The following NRG4 variants were observed in gnomAD, a reference collection of about 807,000 sequenced individuals.
NRG4 encodes neuregulin 4.
In NRG4, 10 loss-of-function variants were observed where a neutral mutation model predicts 15.0. That is an observed-to-expected ratio of 0.67 (90% CI 0.41 to 1.13). The LOEUF is 1.13. NRG4 is among the 50% of genes most tolerant of loss of function. The probability of loss-of-function intolerance (pLI) is 0.00; values close to 1 mark genes in which losing one functional copy is unlikely to be tolerated. For synonymous variants in NRG4, 41 were observed against 50.1 expected (o/e 0.82, Z 0.77); for missense variants, 139 against 140.2 (o/e 0.99, Z 0.04).
intron 4 of NRG4, among the ~76,000 whole-genome samples, chr15:76,051,681 G>A (rs992969755): frequency 4.7e-5 from 7 of 148,400 alleles, no homozygotes; most frequent in Admixed American, 6.7e-5. Flanking sequence ...CTCCTGCCTC[G>A]GCCTCCAGAG....
At chr15:76,044,062 A>G (rs2035807650) in intron 4 of NRG4, among the ~76,000 whole-genome samples, 1 of 152,202 alleles carries the variant, frequency 6.6e-6, no homozygotes, top group South Asian at 2.1e-4. Context: ...CAGTGGCGCA[A>G]TCTCGGCTCA....
intron 5 of NRG4, among the ~76,000 whole-genome samples, chr15:76,026,917 T>C (rs958922292): frequency 1.3e-5 from 2 of 152,012 alleles, no homozygotes; most frequent in Non-Finnish European, 1.5e-5. Context: ...GGTCAGGAGA[T>C]TGAGACCATC....
upstream of NRG4, among the ~76,000 whole-genome samples, chr15:76,015,190 T>C (rs1476120807): frequency 6.6e-6 from 1 of 152,222 alleles, no homozygotes; most frequent in Non-Finnish European, 1.5e-5. Context: ...GCATACTGAT[T>C]TTGTATCCTG....
chr15:76,024,064 C>T lies in NRG4; in HGVS notation c.-57+11880G>A, dbSNP rs566827027. Among the ~76,000 whole-genome samples, 281 of 152,332 alleles carry T rather than the reference C, an allele frequency of 1.8e-3. 1 individual carries two copies. Among genetic ancestry groups the T allele is most frequent in the Non-Finnish European group, 5.4e-4 (37 of 68,026 alleles). ...AGACACCTCTGGCTTGCCCAAAGGC[C>T]CCATGCCTGCAATCAGAGCCTGAGA... On this transcript the variant is annotated intron_variant, in intron 5 of 8. Transcript: ENST00000563910.
At chr15:76,027,632 C>G (rs909208859) in intron 5 of NRG4, among the ~76,000 whole-genome samples, 2 of 152,104 alleles carry the variant, frequency 1.3e-5, no homozygotes, top group African/African-American at 2.4e-5. Flanking sequence ...CAGCATTAAA[C>G]AGGTCATCTA....
chr15:76,021,222 T>C (rs1238847288), intron 5 of NRG4, among the ~76,000 whole-genome samples: 7 of 152,188 alleles, frequency 4.6e-5, no homozygotes. Flanking sequence ...AGCACATCTG[T>C]TTACAGCATG....
At chr15:76,050,457 T>A (rs2035972003) in intron 4 of NRG4, among the ~76,000 whole-genome samples, 1 of 144,062 alleles carries the variant, frequency 6.9e-6, no homozygotes, top group South Asian at 2.2e-4. Flanking sequence ...TTTTTTTTTT[T>A]TTGAAACGGA....
At chr15:75,991,310 G>A (rs1276304484) in intron 3 of NRG4, among the ~76,000 whole-genome samples, 1 of 152,008 alleles carries the variant, frequency 6.6e-6, no homozygotes, top group Non-Finnish European at 1.5e-5. Context: ...TATAAACACT[G>A]AAATTTGAAT....
At chr15:75,991,955 C>T (rs2034033291) in intron 3 of NRG4, among the ~76,000 whole-genome samples, 1 of 152,046 alleles carries the variant, frequency 6.6e-6, no homozygotes, top group Admixed American at 6.6e-5. Context: ...CCTTCCTTTT[C>T]TTGGTTAACT....
At chr15:75,949,318 C>A (rs956710872) in intron 5 of NRG4, among the ~76,000 whole-genome samples, 1 of 149,186 alleles carries the variant, frequency 6.7e-6, no homozygotes, top group South Asian at 2.1e-4. Flanking sequence ...GGCTGAGACA[C>A]AAGAATCCAT....
At chr15:75,955,848 T>C (rs540706946) in intron 5 of NRG4, 84 bp downstream of exon 5, 1 of 775,860 alleles carries the variant, frequency 1.3e-6, no homozygotes, top group East Asian at 2.7e-5. Flanking sequence ...TTTTTCTGGA[T>C]AGATCTAAAT....
chr15:76,008,029 G>T (rs1226770736), intron 3 of NRG4, among the ~76,000 whole-genome samples: 1 of 152,124 alleles, frequency 6.6e-6, no homozygotes, highest in Non-Finnish European at 1.5e-5. Flanking sequence ...ATTATCTATG[G>T]AAATGTTCTA....
chr15:75,960,520 G>A (rs769977871), intron 4 of NRG4, among the ~76,000 whole-genome samples: 41 of 152,314 alleles, frequency 2.7e-4, no homozygotes, highest in Non-Finnish European at 5.3e-4. Flanking sequence ...TGAATGAGCT[G>A]AATGCCTGGG....
intron 2 of NRG4, among the ~76,000 whole-genome samples, chr15:76,053,795 A>G (rs1161473135): frequency 1.3e-5 from 2 of 150,876 alleles, no homozygotes; most frequent in African/African-American, 4.9e-5. Context: ...ACCTCAAGTG[A>G]TCTGGGATTA....
chr15:75,971,989 T>C (rs140905274), intron 3 of NRG4, among the ~76,000 whole-genome samples: 2,575 of 152,296 alleles, frequency 0.017, 66 homozygotes, highest in African/African-American at 0.057. Flanking sequence ...CCACAAATAG[T>C]GTAAAAGCAT....
chr15:76,015,924 C>G (rs558276735), upstream of NRG4, among the ~76,000 whole-genome samples: 1 of 152,240 alleles, frequency 6.6e-6, no homozygotes, highest in South Asian at 2.1e-4. Flanking sequence ...AGGAATGGTA[C>G]CAGGTCCTCT....
chr15:76,010,167 G>T lies in NRG4; in HGVS notation c.11-874C>A, dbSNP rs1488972161. On this transcript the variant is annotated intron_variant, in intron 2 of 5. Coordinates refer to ENST00000394907, the MANE Select transcript of NRG4 (RefSeq NM_138573.4). ...TATAGAAAAAATTAGAATAACAGAAGGATTCATTGAGTCATTATACTAGTA... is the reference window on the plus strand; with the variant it reads ...TATAGAAAAAATTAGAATAACAGAATGATTCATTGAGTCATTATACTAGTA... Among the ~76,000 whole-genome samples the T allele has an allele frequency of 3.3e-5, 5 of 152,012 alleles. No homozygotes were observed. In the East Asian group the frequency reaches 9.6e-4, roughly 29 times the overall value.
chr15:76,004,056 T>C (rs1490403382), intron 3 of NRG4, among the ~76,000 whole-genome samples: 5 of 152,222 alleles, frequency 3.3e-5, no homozygotes, highest in Non-Finnish European at 5.9e-5. Context: ...TTTAAGAGAT[T>C]AATGTATTGA....
chr15:76,009,224 G>T lies in NRG4; in HGVS notation c.80C>A (p.Pro27His). ...CCTACAAAATGGGCTGGGAATAGTA[G>T]GTATCACATAACAAAGCCCCCCATT... ...CLNGGLCYVIPTIPSPFCRCV... is the reference protein window; with the variant it reads ...CLNGGLCYVIHTIPSPFCRCV... The change falls in exon 3 of 6, where the codon CCT becomes CAT. Residue 27 changes from proline to histidine, a missense_variant. Transcript: ENST00000394907. 2 of 1,589,780 alleles carry T rather than the reference G, an allele frequency of 1.3e-6. No individual in the cohort carries two copies. The highest frequency in any genetic ancestry group is 1.3e-5 in the African/African-American group (1 of 74,528).
Sources: allele counts gnomAD v4.1 joint callset (sites outside exome capture counted in the v4.1 genomes callset), GRCh38; gene constraint gnomAD v4.1.1; transcripts MANE v1.5; gene names NCBI Gene and HGNC (gene_info 2026-07-23, HGNC 2026-07-21).